The following TRAPPC9 variants were observed in gnomAD, a reference collection of about 807,000 sequenced individuals.
TRAPPC9 encodes IKK2 binding protein.
In TRAPPC9, 83 loss-of-function variants were observed where a neutral mutation model predicts 124.0. That is an observed-to-expected ratio of 0.67 (90% CI 0.56 to 0.80). TRAPPC9 has a LOEUF of 0.80. Ranked by LOEUF, TRAPPC9 falls within the 30% of genes least tolerant of loss-of-function variation. TRAPPC9 has a pLI of 0.00. For synonymous variants in TRAPPC9, 638 were observed against 617.5 expected (o/e 1.03, Z -0.49); for missense variants, 1,302 against 1,508.3 (o/e 0.86, Z 2.27).
chr8:139,791,646 C>T (rs113696547), intron 21 of TRAPPC9, among the ~76,000 whole-genome samples: 13 of 152,304 alleles, frequency 8.5e-5, no homozygotes, highest in African/African-American at 2.9e-4. Flanking sequence ...AGCCCAGGCG[C>T]TGGGCTCTGG....
At chr8:140,020,861 T>C (rs1259251762) in intron 18 of TRAPPC9, among the ~76,000 whole-genome samples, 2 of 152,246 alleles carry the variant, frequency 1.3e-5, no homozygotes, top group African/African-American at 4.8e-5. Flanking sequence ...GTACTTTTGA[T>C]GACTTGATTT....
chr8:139,798,747 A>T (rs1350825345), intron 21 of TRAPPC9, among the ~76,000 whole-genome samples: 1 of 152,220 alleles, frequency 6.6e-6, no homozygotes, highest in East Asian at 1.9e-4. Flanking sequence ...ACATAACCAG[A>T]TCTGAGAAAT....
chr8:140,236,079 C>CTTTT (rs765201850), intron 16 of TRAPPC9, among the ~76,000 whole-genome samples: 9 of 111,704 alleles, frequency 8.1e-5, no homozygotes, highest in East Asian at 6.9e-4. Context: ...ACTGTATTTC[C>CTTTT]TTTTTTTTTT....
chr8:140,125,004 C>G (rs1319303682), intron 17 of TRAPPC9, among the ~76,000 whole-genome samples: 1 of 152,238 alleles, frequency 6.6e-6, no homozygotes, highest in Non-Finnish European at 1.5e-5. Flanking sequence ...GTGTCACTGT[C>G]CCCCAACCAG....
At position 140,254,075 on chromosome 8, in the gene TRAPPC9, C is replaced by T. The variant is rs536492135; in HGVS notation, c.2279-1146G>A. Among the ~76,000 whole-genome samples the T allele has an allele frequency of 5.3e-5, 8 of 152,280 alleles. No individual in the cohort carries two copies. The East Asian group carries it at 1.4e-3, about 26-fold the overall frequency. On this transcript the variant is annotated intron_variant, in intron 15 of 22. Transcript: ENST00000438773. ...CTGCTGGTGCCCGCTGAAGTAGCTGCGTCTCTCCACGGCTCCAGTTCCTAA... is the reference window on the plus strand; with the variant it reads ...CTGCTGGTGCCCGCTGAAGTAGCTGTGTCTCTCCACGGCTCCAGTTCCTAA...
At chr8:140,075,951 C>T (rs887072606) in intron 17 of TRAPPC9, among the ~76,000 whole-genome samples, 3 of 152,186 alleles carry the variant, frequency 2.0e-5, no homozygotes, top group East Asian at 3.9e-4. Flanking sequence ...CTTATGATAG[C>T]CCACTTCTAA....
At chr8:140,284,508 CTG>C (rs1245981878) in intron 13 of TRAPPC9, among the ~76,000 whole-genome samples, 2 of 152,072 alleles carry the variant, frequency 1.3e-5, no homozygotes, top group Admixed American at 6.5e-5. Flanking sequence ...GGCAGATGTG[CTG>C]TGTGTGTATA....
At chr8:140,116,211 G>A (rs550472184) in intron 17 of TRAPPC9, among the ~76,000 whole-genome samples, 2 of 152,268 alleles carry the variant, frequency 1.3e-5, no homozygotes, top group South Asian at 2.1e-4. Flanking sequence ...GAGGAATAAC[G>A]AAAAGGTTTA....
At chr8:139,908,858 C>T (rs1306034339) in intron 20 of TRAPPC9, 1 of 152,248 alleles carries the variant, frequency 6.6e-6, no homozygotes, top group Admixed American at 6.5e-5. Context: ...ATTATCCCCA[C>T]CTTTTTACTT....
intron 21 of TRAPPC9, among the ~76,000 whole-genome samples, chr8:139,829,207 G>C (rs1825819853): frequency 6.6e-6 from 1 of 152,210 alleles, no homozygotes; most frequent in African/African-American, 2.4e-5. Flanking sequence ...CCTTCCGGAG[G>C]GTATAAAGTC....
chr8:140,189,067 GT>G (rs2062419970), intron 17 of TRAPPC9, among the ~76,000 whole-genome samples: 1 of 152,188 alleles, frequency 6.6e-6, no homozygotes, highest in Admixed American at 6.5e-5. Context: ...CACAAATATT[GT>G]TTTTCAACCA....
At chr8:140,121,583 G>A (rs1470944058) in intron 17 of TRAPPC9, among the ~76,000 whole-genome samples, 3 of 152,234 alleles carry the variant, frequency 2.0e-5, no homozygotes, top group Non-Finnish European at 4.4e-5. Flanking sequence ...AGAGGACAGA[G>A]TGGATTCAGA....
At chr8:139,922,164 G>A (rs1384972449) in intron 19 of TRAPPC9, among the ~76,000 whole-genome samples, 2 of 150,854 alleles carry the variant, frequency 1.3e-5, no homozygotes, top group Non-Finnish European at 2.9e-5. Context: ...TTCCAAGGTT[G>A]ATCTTTGAAA....
At chr8:140,272,640 C>T (rs1036531538) in intron 15 of TRAPPC9, among the ~76,000 whole-genome samples, 1 of 152,052 alleles carries the variant, frequency 6.6e-6, no homozygotes, top group East Asian at 1.9e-4. Context: ...TGTACAAGCA[C>T]GGAGCTGGCC....
chr8:140,413,457 G>C (rs1440019459), intron 5 of TRAPPC9, among the ~76,000 whole-genome samples: 1 of 150,950 alleles, frequency 6.6e-6, no homozygotes, highest in African/African-American at 2.4e-5. Context: ...TAAGCGTCAG[G>C]CCAGCCTTTG....
rs769944966 is a variant in TRAPPC9, at chr8:139,907,194, G to A, written c.2964+2953C>T. On this transcript the variant is annotated intron_variant, in intron 20 of 22. Transcript: ENST00000438773. This position sits in a 1 kb window ranked among gnomAD's most constrained non-coding sequence, Gnocchi z 4.7. The stretch of plus-strand genomic sequence containing the variant: ...GGGTGAGAGCTCCCGGCAGCCCTGG[G>A]CTGCCCATCGTGTCACCGTAGCTGC... 1.3e-5 allele frequency among the ~76,000 whole-genome samples: 2 copies of A among 152,060 alleles called. No individual in the cohort carries two copies. The highest frequency in any genetic ancestry group is 2.4e-5 in the African/African-American group (1 of 41,410).
intron 21 of TRAPPC9, among the ~76,000 whole-genome samples, chr8:139,876,749 C>T (rs1196182925): frequency 6.6e-6 from 1 of 152,208 alleles, no homozygotes; most frequent in Non-Finnish European, 1.5e-5. Flanking sequence ...CCTTACCAGC[C>T]CACCCATCTT....
chr8:140,133,215 A>G (rs1018610847), intron 17 of TRAPPC9, among the ~76,000 whole-genome samples: 2 of 152,202 alleles, frequency 1.3e-5, no homozygotes, highest in South Asian at 4.1e-4. Flanking sequence ...ATGTACCATG[A>G]CCAAGGGGGA....
chr8:140,083,542 C>CATTTTGATGTATTTT (rs1843983070), intron 17 of TRAPPC9, among the ~76,000 whole-genome samples: 2 of 152,224 alleles, frequency 1.3e-5, no homozygotes, highest in South Asian at 4.2e-4. Flanking sequence ...TCAGCACCAC[C>CATTTTGATGTATTTT]GTTCACAAGC....
Sources: gnomAD v4.1 joint callset for allele counts (sites outside exome capture counted in the v4.1 genomes callset) on GRCh38, gnomAD v4.1.1 for gene constraint, Gnocchi (gnomAD v3.1) non-coding constraint, MANE v1.5 for transcripts, NCBI Gene and HGNC (gene_info 2026-07-23, HGNC 2026-07-21) for gene names.